The following SLC9A9 variants were observed in gnomAD, a reference collection of about 807,000 sequenced individuals.
SLC9A9 encodes sodium/hydrogen exchanger 9.
A neutral mutation model predicts 77.8 loss-of-function variants in SLC9A9; 62 were observed. That is an observed-to-expected ratio of 0.80 (90% CI 0.65 to 0.98). The LOEUF (loss-of-function observed/expected upper bound fraction) is 0.98. Among genes scored for constraint, SLC9A9 ranks in the 50% least tolerant of loss-of-function variants. The pLI is 0.00. For synonymous variants in SLC9A9, 320 were observed against 283.5 expected (o/e 1.13, Z -1.29); for missense variants, 775 against 774.9 (o/e 1.00, Z 0.00).
At chr3:143,381,320 T>A (rs1195432126) in intron 13 of SLC9A9, 4 of 152,492 alleles carry the variant, frequency 2.6e-5, no homozygotes, top group African/African-American at 9.7e-5. Context: ...TCTCACTAGA[T>A]CTGATGGTTT....
intron 5 of SLC9A9, among the ~76,000 whole-genome samples, chr3:143,654,320 C>A (rs1560014528): frequency 6.6e-6 from 1 of 152,088 alleles, no homozygotes. Context: ...AAGAAAATGC[C>A]ATATGAATTG....
chr3:143,771,655 T>A (rs940366670), intron 4 of SLC9A9, among the ~76,000 whole-genome samples: 5 of 152,198 alleles, frequency 3.3e-5, no homozygotes, highest in African/African-American at 1.2e-4. Context: ...CTTAATTATA[T>A]CTGGGAATTT....
chr3:143,684,377 G>A (rs1433540584), intron 5 of SLC9A9, among the ~76,000 whole-genome samples: 1 of 151,900 alleles, frequency 6.6e-6, no homozygotes, highest in African/African-American at 2.4e-5. Context: ...TTTAAAATCT[G>A]AACTTGATGA....
At chr3:143,277,456 T>G (rs1938084986) in intron 14 of SLC9A9, among the ~76,000 whole-genome samples, 1 of 152,194 alleles carries the variant, frequency 6.6e-6, no homozygotes, top group Non-Finnish European at 1.5e-5. Context: ...CTTGAAAGGC[T>G]CTGAGTTGGG....
intron 11 of SLC9A9, among the ~76,000 whole-genome samples, chr3:143,488,668 G>A (rs1340688266): frequency 6.6e-6 from 1 of 151,792 alleles, no homozygotes; most frequent in Non-Finnish European, 1.5e-5. Context: ...CTCAATTGAT[G>A]CAGAAACATC....
chr3:143,588,417 TTGA>T (rs1310322894), intron 6 of SLC9A9, among the ~76,000 whole-genome samples: 2 of 152,128 alleles, frequency 1.3e-5, no homozygotes, highest in African/African-American at 4.8e-5. Context: ...TGGAGCCAGG[TTGA>T]TGATGACATC....
intron 4 of SLC9A9, among the ~76,000 whole-genome samples, chr3:143,752,620 C>G (rs2006769652): frequency 1.3e-5 from 2 of 151,322 alleles, no homozygotes; most frequent in Non-Finnish European, 2.9e-5. Flanking sequence ...CAGCACAAGT[C>G]TGGCTGCCTG....
rs547647863 is a variant in SLC9A9 at position 143,675,789 on chromosome 3, T to TC, written c.649+17402dup. Among the ~76,000 whole-genome samples the TC allele has an allele frequency of 4.9e-3, 750 of 152,330 alleles. 4 individuals are homozygous for TC. The highest frequency in any genetic ancestry group is 7.5e-3 in the Non-Finnish European group (510 of 68,018). Reference sequence around the variant, plus strand: ...GTGTACAGATGTGTTTCCACATAAATCCATAAATATGATCATAATATGCAT... The same window carrying TC: ...GTGTACAGATGTGTTTCCACATAAATCCCATAAATATGATCATAATATGCAT... On this transcript the variant is annotated intron_variant, in intron 5 of 15. Coordinates refer to ENST00000316549, the MANE Select transcript of SLC9A9 (RefSeq NM_173653.4).
intron 6 of SLC9A9, among the ~76,000 whole-genome samples, chr3:143,600,452 C>T (rs943888607): frequency 3.9e-5 from 6 of 152,152 alleles, no homozygotes; most frequent in African/African-American, 1.2e-4. Context: ...CCTGGATGGA[C>T]AAGAATTCTA....
intron 11 of SLC9A9, among the ~76,000 whole-genome samples, chr3:143,492,651 C>T (rs1010543476): frequency 6.6e-6 from 1 of 152,166 alleles, no homozygotes; most frequent in Non-Finnish European, 1.5e-5. Flanking sequence ...TTTTTGAGAT[C>T]CTGAACCTCA....
chr3:143,692,917 T>C (rs374440245), intron 5 of SLC9A9, among the ~76,000 whole-genome samples: 14 of 152,298 alleles, frequency 9.2e-5, no homozygotes, highest in East Asian at 7.7e-4. Context: ...ATGCAGCCCA[T>C]GGACCACTGG....
intron 4 of SLC9A9, among the ~76,000 whole-genome samples, chr3:143,774,015 T>C (rs2007614069): frequency 2.0e-5 from 3 of 152,196 alleles, no homozygotes; most frequent in Admixed American, 1.3e-4. Context: ...GCAAATGCAA[T>C]AACAGATGTG....
chr3:143,559,533 T>G (rs2037045962), intron 8 of SLC9A9, among the ~76,000 whole-genome samples: 1 of 152,142 alleles, frequency 6.6e-6, no homozygotes, highest in Non-Finnish European at 1.5e-5. Flanking sequence ...ATTAATCCAC[T>G]GGGATGAACC....
At chr3:143,794,530 C>T (rs983207925) in intron 4 of SLC9A9, among the ~76,000 whole-genome samples, 1 of 152,044 alleles carries the variant, frequency 6.6e-6, no homozygotes, top group Non-Finnish European at 1.5e-5. Context: ...AAAAGCTATC[C>T]CTGTATTAAG....
intron 1 of SLC9A9, among the ~76,000 whole-genome samples, chr3:143,844,467 A>G (rs1246492693): frequency 6.6e-6 from 1 of 152,218 alleles, no homozygotes; most frequent in Non-Finnish European, 1.5e-5. Flanking sequence ...GGGGAAAAAC[A>G]TTTATCATTC....
chr3:143,832,123 T>C lies in SLC9A9; in HGVS notation c.274A>G (p.Thr92Ala), dbSNP rs1293158972. 1.9e-6 allele frequency: 3 copies of C among 1,613,154 alleles called. No homozygotes were observed. Among genetic ancestry groups the C allele is most frequent in the African/African-American group, 2.7e-5 (2 of 74,868 alleles). ...DCVKLTFSPS[T>A]LLVNITDQVY... ...TGGTCAGTGATATTAACCAGCAGAG[T>C]TGATGGACTGAAAGTTAGTTTTACA... is the stretch of plus-strand genomic sequence containing the variant. The change falls in exon 2 of 16, where the codon ACT becomes GCT. Residue 92 changes from threonine (T) to alanine (A), a missense_variant. Transcript: ENST00000316549.
At chr3:143,482,450 C>A (rs563313001) in intron 11 of SLC9A9, among the ~76,000 whole-genome samples, 34 of 152,294 alleles carry the variant, frequency 2.2e-4, no homozygotes, top group African/African-American at 8.2e-4. Flanking sequence ...GGTTTCAATG[C>A]CTTCTCAAAA....
chr3:143,447,205 G>T (rs558020897), intron 12 of SLC9A9, among the ~76,000 whole-genome samples: 1 of 152,220 alleles, frequency 6.6e-6, no homozygotes, highest in South Asian at 2.1e-4. Context: ...TAATTGTGAA[G>T]ACGTAAACAC....
intron 6 of SLC9A9, among the ~76,000 whole-genome samples, chr3:143,602,109 T>C (rs2037854089): frequency 6.6e-6 from 1 of 152,228 alleles, no homozygotes; most frequent in Non-Finnish European, 1.5e-5. Flanking sequence ...ACAGGTTTTA[T>C]TTGTCCTTAA....
Sources: allele counts gnomAD v4.1 joint callset (sites outside exome capture counted in the v4.1 genomes callset), GRCh38; gene constraint gnomAD v4.1.1; transcripts MANE v1.5; gene names NCBI Gene and HGNC (gene_info 2026-07-23, HGNC 2026-07-21).